SYTL5: variants seen among roughly 807,000 people sequenced by gnomAD.
SYTL5 encodes the protein synaptotagmin like 5.
Under a neutral mutation model 55.9 loss-of-function variants are expected in SYTL5, and 34 were observed. The ratio of observed to expected loss-of-function variants is 0.61; its 90% confidence interval spans 0.46 to 0.81. The LOEUF (loss-of-function observed/expected upper bound fraction) is 0.81. Ranked by LOEUF, SYTL5 falls within the 30% of genes least tolerant of loss-of-function variation. SYTL5 has a pLI of 0.00. For missense variants in SYTL5, 637 were observed against 546.7 expected (o/e 1.17, Z -1.65); for synonymous variants, 221 against 188.7 (o/e 1.17, Z -1.40).
the SYTL5 span, among the ~76,000 whole-genome samples, chrX:37,941,276 G>A: frequency 8.9e-6 from 1 of 111,812 alleles, no homozygotes; most frequent in African/African-American, 3.2e-5. Flanking sequence ...CTTGTGCAGG[G>A]ACAATCCCAG....
the SYTL5 span, among the ~76,000 whole-genome samples, chrX:37,968,765 C>A: frequency 8.0e-5 from 9 of 111,815 alleles, no homozygotes; most frequent in South Asian, 1.5e-3. Context: ...TCAGGAATAA[C>A]CCCCTGTGCA....
At chrX:38,048,832 TGTAAA>T (rs934743569) in intron 2 of SYTL5, among the ~76,000 whole-genome samples, 22 of 111,861 alleles carry the variant, frequency 2.0e-4, no homozygotes, top group African/African-American at 6.5e-4. Context: ...CATATCAACA[TGTAAA>T]GTAAAGTGCC....
In SYTL5 at chrX:38,125,440, A is replaced by C. The variant is rs1405508876; in HGVS notation, c.1984A>C (p.Ile662Leu). 8 of 1,210,041 alleles carry C rather than the reference A, an allele frequency of 6.6e-6. No individual in the cohort carries two copies. The highest frequency in any genetic ancestry group is 8.9e-6 in the Non-Finnish European group (8 of 894,972). Reference protein sequence around the residue: ...DIKNVCLELTIWDKEAFSSNI... With the variant: ...DIKNVCLELTLWDKEAFSSNI... ...AAAGAATGTTTGCCTAGAACTTACTATCTGGGACAAGGAGGCCTTTTCCAG... is the reference window on the plus strand; with the variant it reads ...AAAGAATGTTTGCCTAGAACTTACTCTCTGGGACAAGGAGGCCTTTTCCAG... Residue 662 changes from isoleucine to leucine, a missense_variant, in exon 16 of 17, where the codon ATC (isoleucine) becomes CTC (leucine). Transcript: ENST00000297875.
At chrX:37,943,197 G>A in the SYTL5 span, among the ~76,000 whole-genome samples, 2 of 112,296 alleles carry the variant, frequency 1.8e-5, no homozygotes, top group African/African-American at 3.2e-5. Flanking sequence ...ACAATAGGGA[G>A]GCTTACTGCT....
the SYTL5 span, among the ~76,000 whole-genome samples, chrX:37,924,605 G>T: frequency 9.0e-6 from 1 of 111,430 alleles, no homozygotes; most frequent in East Asian, 2.8e-4. Flanking sequence ...TTATCATGAA[G>T]CTTTCCCTGA....
At position 38,106,594 on chromosome X, in the gene SYTL5, C is replaced by T; in HGVS notation, c.1157C>T (p.Thr386Ile). The T allele has an allele frequency of 8.4e-7, 1 of 1,184,174 alleles. No individual in the cohort carries two copies. Among genetic ancestry groups the T allele is most frequent in the Non-Finnish European group, 1.1e-6 (1 of 882,918 alleles). Reference protein sequence around the residue: ...THRLASGLSTTSLNSMMSVYS... With the variant: ...THRLASGLSTISLNSMMSVYS... ...CTTTTTCCATCTTGTTTATTCCAGACCAGCCTTAACAGCATGATGAGCGTT... is the reference window on the plus strand; with the variant it reads ...CTTTTTCCATCTTGTTTATTCCAGATCAGCCTTAACAGCATGATGAGCGTT... The change falls in exon 11 of 17, where the codon ACC becomes ATC. Residue 386 changes from threonine to isoleucine, a missense_variant and splice_region_variant. Transcript: ENST00000297875.
chrX:38,120,114 T>A (rs1937553382), intron 13 of SYTL5, among the ~76,000 whole-genome samples: 1 of 112,516 alleles, frequency 8.9e-6, no homozygotes, highest in African/African-American at 3.2e-5. Context: ...ATAAGTTATA[T>A]GTCTTCTTTC....
chrX:38,120,507 T>C (rs1339915758), intron 14 of SYTL5, 41 bp downstream of exon 14: 12 of 1,030,314 alleles, frequency 1.2e-5, no homozygotes, highest in Non-Finnish European at 1.5e-5. Flanking sequence ...GACATTCTGT[T>C]TCTAGAAGTG....
chrX:37,961,691 T>C, the SYTL5 span, among the ~76,000 whole-genome samples: 1 of 112,254 alleles, frequency 8.9e-6, no homozygotes, highest in Non-Finnish European at 1.9e-5. Flanking sequence ...AAAGACATTT[T>C]ATTTTATGAC....
In SYTL5 at chrX:38,073,608, G is replaced by C; in HGVS notation, c.464G>C (p.Ser155Thr). ...TAATGAGGAGCTGAAGAAGTACAGA[G>C]CCAAGAGCAAACCCGCCAGGATGCA... is the stretch of plus-strand genomic sequence containing the variant. ...RRSPGAEEVQ[S>T]QEQTRQDAEK... Residue 155 changes from serine (S) to threonine (T), a missense_variant, in exon 5 of 17, where the codon AGC becomes ACC. By Grantham distance (58) the Ser-to-Thr change is moderately conservative (BLOSUM62 1). Coordinates refer to ENST00000297875, the MANE Select transcript of SYTL5 (RefSeq NM_138780.3). 5 of 1,191,679 alleles carry C rather than the reference G, an allele frequency of 4.2e-6. No individual in the cohort carries two copies. The highest frequency in any genetic ancestry group is 4.5e-6 in the Non-Finnish European group (4 of 885,038).
chrX:38,107,757 A>T (rs1937254937), intron 11 of SYTL5, among the ~76,000 whole-genome samples: 1 of 111,940 alleles, frequency 8.9e-6, no homozygotes, highest in African/African-American at 3.2e-5. Flanking sequence ...AAATCCCCTA[A>T]GATAGACAAA....
At chrX:37,927,541 C>T in the SYTL5 span, among the ~76,000 whole-genome samples, 2 of 109,836 alleles carry the variant, frequency 1.8e-5, no homozygotes, top group African/African-American at 3.3e-5. Context: ...TTTGGGAGGT[C>T]GAGGCGGGCG....
the SYTL5 span, among the ~76,000 whole-genome samples, chrX:37,968,790 G>C: frequency 8.9e-6 from 1 of 111,862 alleles, no homozygotes; most frequent in Non-Finnish European, 1.9e-5. Context: ...TGATTGTTCA[G>C]TAATGAGCTG....
chrX:37,962,272 G>A, the SYTL5 span, among the ~76,000 whole-genome samples: 2 of 110,453 alleles, frequency 1.8e-5, no homozygotes, highest in African/African-American at 6.6e-5. Flanking sequence ...CCCTTCCTGT[G>A]TCCAAGTGTT....
chrX:38,021,163 A>T (rs959182312), intron 1 of SYTL5, among the ~76,000 whole-genome samples: 2 of 111,826 alleles, frequency 1.8e-5, no homozygotes, highest in East Asian at 5.6e-4. Flanking sequence ...ATGTATATGT[A>T]TATTTTTGAG....
chrX:38,119,325 A>G (rs976417188), intron 13 of SYTL5, among the ~76,000 whole-genome samples: 4 of 111,397 alleles, frequency 3.6e-5, no homozygotes, highest in African/African-American at 1.3e-4. Context: ...TTATAACCAC[A>G]TCTAACTCCC....
chrX:38,010,392 C>T (rs1934137917), intron 1 of SYTL5, among the ~76,000 whole-genome samples: 2 of 111,167 alleles, frequency 1.8e-5, no homozygotes, highest in South Asian at 7.7e-4. Flanking sequence ...CTAGATGAAT[C>T]CCTCATGATT....
chrX:37,901,245 C>T, the SYTL5 span, among the ~76,000 whole-genome samples: 1 of 112,077 alleles, frequency 8.9e-6, no homozygotes, highest in Admixed American at 9.5e-5. Flanking sequence ...ACCCCAGGTG[C>T]TCTGCCATGA....
chrX:38,089,383 T>C, intron 6 of SYTL5, 63 bp from the exon 7 acceptor site: 2 of 1,130,293 alleles, frequency 1.8e-6, no homozygotes, highest in Non-Finnish European at 2.4e-6. Flanking sequence ...AGCTTTACTC[T>C]GCCTGTGTAT....
Sources: allele counts gnomAD v4.1 joint callset (sites outside exome capture counted in the v4.1 genomes callset), GRCh38; gene constraint gnomAD v4.1.1; transcripts MANE v1.5; gene names NCBI Gene and HGNC (gene_info 2026-07-23, HGNC 2026-07-21).